RARB: variants seen among roughly 807,000 people sequenced by gnomAD.
RARB encodes retinoic acid receptor beta.
Under a neutral mutation model 51.9 loss-of-function variants are expected in RARB, and 17 were observed. The ratio of observed to expected loss-of-function variants is 0.33; its 90% confidence interval spans 0.22 to 0.49. The LOEUF (loss-of-function observed/expected upper bound fraction) is 0.49. Among genes scored for constraint, RARB ranks in the 20% least tolerant of loss-of-function variants. RARB has a pLI of 0.99. For missense variants in RARB, 369 were observed against 550.8 expected (o/e 0.67, Z 3.30); for synonymous variants, 215 against 195.4 (o/e 1.10, Z -0.84).
At chr3:25,485,138 C>A (rs1003512524) in intron 2 of RARB, among the ~76,000 whole-genome samples, 1 of 152,110 alleles carries the variant, frequency 6.6e-6, no homozygotes, top group Non-Finnish European at 1.5e-5. Context: ...AGCTGTGTTC[C>A]TGGAATATTC....
At chr3:25,223,164 C>A (rs1301344906) in intron 5 of RARB, among the ~76,000 whole-genome samples, 1 of 152,176 alleles carries the variant, frequency 6.6e-6, no homozygotes, top group East Asian at 1.9e-4. Flanking sequence ...GTGGATCCCA[C>A]CAACTGGCCC....
chr3:25,225,832 A>G (rs1702044109), intron 5 of RARB, among the ~76,000 whole-genome samples: 1 of 152,132 alleles, frequency 6.6e-6, no homozygotes, highest in Non-Finnish European at 1.5e-5. Flanking sequence ...CTTTGATTGG[A>G]CCTTAAAAAA....
At chr3:25,443,952 TAAAA>T (rs1328891167) in intron 1 of RARB, among the ~76,000 whole-genome samples, 1 of 151,950 alleles carries the variant, frequency 6.6e-6, no homozygotes, top group Non-Finnish European at 1.5e-5. Context: ...ATAATAATAA[TAAAA>T]TAAATAAATC....
At chr3:25,476,717 C>T (rs1469587984) in intron 2 of RARB, among the ~76,000 whole-genome samples, 1 of 152,170 alleles carries the variant, frequency 6.6e-6, no homozygotes, top group South Asian at 2.1e-4. Context: ...TGTGTAAACA[C>T]CATTTTTTCC....
chr3:25,007,603 A>AAAAAAAAAAAAAAAAAC (rs1697302372), intron 2 of RARB, among the ~76,000 whole-genome samples: 1 of 145,802 alleles, frequency 6.9e-6, no homozygotes, highest in Non-Finnish European at 1.5e-5. Flanking sequence ...AAAAAAAAAA[A>AAAAAAAAAAAAAAAAAC]ACAAAAAAAC....
intron 4 of RARB, 110 bp from the exon 5 acceptor site, chr3:25,580,436 C>T (rs887634736): frequency 9.4e-7 from 1 of 1,059,294 alleles, no homozygotes; most frequent in African/African-American, 1.6e-5. Context: ...CAACAACCTG[C>T]CTGCTCAAGG....
chr3:25,220,443 A>G (rs1701922487), intron 5 of RARB, among the ~76,000 whole-genome samples: 1 of 152,188 alleles, frequency 6.6e-6, no homozygotes, highest in Non-Finnish European at 1.5e-5. Context: ...TCAAAAGCTA[A>G]CTTGCATGGT....
intron 2 of RARB, among the ~76,000 whole-genome samples, chr3:25,058,769 T>A (rs1206488615): frequency 6.6e-6 from 1 of 151,802 alleles, no homozygotes; most frequent in Admixed American, 6.6e-5. Flanking sequence ...TTGGATTCCA[T>A]TAAAATGACA....
At chr3:25,215,614 C>G (rs1481147384) in intron 5 of RARB, among the ~76,000 whole-genome samples, 2 of 152,082 alleles carry the variant, frequency 1.3e-5, no homozygotes, top group Non-Finnish European at 2.9e-5. Context: ...CATGGGACCA[C>G]CAGAAACAGC....
At chr3:25,522,892 T>G (rs2125633929) in intron 3 of RARB, among the ~76,000 whole-genome samples, 1 of 152,312 alleles carries the variant, frequency 6.6e-6, no homozygotes, top group South Asian at 2.1e-4. Context: ...TGGTCTCCAG[T>G]AGACACTGGG....
chr3:25,124,527 T>A (rs1001435239), intron 3 of RARB, among the ~76,000 whole-genome samples: 2 of 152,210 alleles, frequency 1.3e-5, no homozygotes, highest in African/African-American at 2.4e-5. Context: ...AGGTCCCTCT[T>A]CACACCCTTT....
rs150064821 is a variant in RARB, at chr3:25,208,035, T to G, written c.178+33460T>G. On this transcript the variant is annotated intron_variant, in intron 5 of 11. Coordinates refer to the RARB transcript ENST00000383772. Reference sequence around the variant, plus strand: ...AAGAGAGGGCAAGGGGGGGAGCAAATTGGGGGAATGCTACGCACCGTTAAG... The same window carrying G: ...AAGAGAGGGCAAGGGGGGGAGCAAAGTGGGGGAATGCTACGCACCGTTAAG... Among the ~76,000 whole-genome samples the G allele has an allele frequency of 5.8e-3, 865 of 147,978 alleles. 16 individuals carry two copies. The highest frequency in any genetic ancestry group is 0.028 in the East Asian group (132 of 4,674).
At position 24,928,680 on chromosome 3, in the gene RARB, A is replaced by AGT. The variant is rs575284911; in HGVS notation, c.-380+69929_-380+69930dup. ...TTTTCAAGGTCTTTTACAGTAGTGA[A>AGT]GTAAGGCCTGTATATCCCTCCACAG... is the stretch of plus-strand genomic sequence containing the variant. On this transcript the variant is annotated intron_variant, in intron 2 of 11. Transcript: ENST00000383772. Among the ~76,000 whole-genome samples the AGT allele has an allele frequency of 5.3e-5, 8 of 152,134 alleles. No individual in the cohort carries two copies. The East Asian group carries it at 1.5e-3, about 29-fold the overall frequency.
chr3:24,953,422 G>A (rs188976820), intron 2 of RARB, among the ~76,000 whole-genome samples: 273 of 152,232 alleles, frequency 1.8e-3, no homozygotes, highest in Non-Finnish European at 2.7e-3. Context: ...AAGAACCAGG[G>A]CCTCACTTAG....
At chr3:24,877,709 C>A (rs12493197) in intron 2 of RARB, among the ~76,000 whole-genome samples, 1 of 151,892 alleles carries the variant, frequency 6.6e-6, no homozygotes, top group Non-Finnish European at 1.5e-5. Flanking sequence ...GCTGGCATAC[C>A]TCTCAGAAGG....
rs1233648522 is a variant in RARB, at chr3:25,106,494, G to A, written c.-327-25667G>A. 4.9e-5 allele frequency among the ~76,000 whole-genome samples: 6 copies of A among 121,604 alleles called. 1 individual carries two copies. The highest frequency in any genetic ancestry group is 2.1e-4 in the African/African-American group (6 of 29,230). 79.8% of individuals were successfully genotyped at this position (121,604 alleles called of 152,430 possible). A position where few individuals can be genotyped will look rare whatever the true frequency, so the allele number is the denominator to read the frequency against. On this transcript the variant is annotated intron_variant, in intron 3 of 11. Coordinates refer to the RARB transcript ENST00000383772. ...TTTTGTTTTTTTTTTGTAGAGACAG[G>A]GTTTTGCCATGTTGCCAAGGCTGGT... is the stretch of plus-strand genomic sequence containing the variant.
intron 5 of RARB, among the ~76,000 whole-genome samples, chr3:25,273,362 C>T (rs1289476352): frequency 6.6e-6 from 1 of 152,118 alleles, no homozygotes; most frequent in South Asian, 2.1e-4. Flanking sequence ...TTACAAGTAA[C>T]CTTTAAAATC....
intron 5 of RARB, among the ~76,000 whole-genome samples, chr3:25,236,286 C>T (rs1029752878): frequency 6.6e-6 from 1 of 152,150 alleles, no homozygotes; most frequent in African/African-American, 2.4e-5. Context: ...ATTGGGCACT[C>T]TGCCTAATTT....
chr3:24,948,866 T>C, intron 2 of RARB, among the ~76,000 whole-genome samples: 1 of 152,188 alleles, frequency 6.6e-6, no homozygotes, highest in East Asian at 1.9e-4. Flanking sequence ...ATTGGAAGCA[T>C]CCTGGGGCCC....
Sources: allele counts gnomAD v4.1 joint callset (sites outside exome capture counted in the v4.1 genomes callset), GRCh38; gene constraint gnomAD v4.1.1; transcripts MANE v1.5; gene names NCBI Gene and HGNC (gene_info 2026-07-23, HGNC 2026-07-21).